LRRC4C: variants seen among roughly 807,000 people sequenced by gnomAD.
The protein encoded by LRRC4C is leucine-rich repeat-containing protein 4C.
Under a neutral mutation model 33.6 loss-of-function variants are expected in LRRC4C, and 5 were observed. The ratio of observed to expected loss-of-function variants is 0.15; its 90% CI spans 0.08 to 0.31. LRRC4C has a LOEUF of 0.31. LRRC4C is among the 10% of genes least tolerant of loss of function. LRRC4C has a pLI of 1.00. For missense variants in LRRC4C, 560 were observed against 796.7 expected, an observed-to-expected ratio of 0.70 and a Z score of 3.58; for synonymous variants, 329 against 302.0, an observed-to-expected ratio of 1.09 and a Z score of -0.93.
intron 1 of LRRC4C, among the ~76,000 whole-genome samples, chr11:41,065,033 C>T (rs1938114069): frequency 6.6e-6 from 1 of 152,110 alleles, no homozygotes. Context: ...ACAGCGGCGC[C>T]TGGTACTCCA....
intron 2 of LRRC4C, among the ~76,000 whole-genome samples, chr11:40,717,559 C>CT (rs990146914): frequency 6.6e-6 from 1 of 151,866 alleles, no homozygotes; most frequent in African/African-American, 2.4e-5. Context: ...ACATGGGGTT[C>CT]TTTTTTTGGG....
intron 1 of LRRC4C, among the ~76,000 whole-genome samples, chr11:41,371,828 T>C (rs1288564521): frequency 1.3e-5 from 2 of 152,184 alleles, no homozygotes; most frequent in East Asian, 3.9e-4. Flanking sequence ...CCACACTGAC[T>C]TCCTCCAAAA....
At chr11:40,892,134 CAAAAAA>C (rs58855313) in intron 2 of LRRC4C, among the ~76,000 whole-genome samples, 3 of 113,970 alleles carry the variant, frequency 2.6e-5, no homozygotes, top group Admixed American at 9.8e-5. Context: ...GATTGTGTCT[CAAAAAA>C]AAAAAAAAAA....
chr11:40,279,999 T>C (rs1355939415), intron 4 of LRRC4C, among the ~76,000 whole-genome samples: 1 of 152,192 alleles, frequency 6.6e-6, no homozygotes, highest in East Asian at 1.9e-4. Flanking sequence ...ACTCACCCTT[T>C]CTTTCAGGTG....
intron 6 of LRRC4C, among the ~76,000 whole-genome samples, chr11:40,139,502 TTTTG>T (rs1028841705): frequency 3.3e-5 from 5 of 152,356 alleles, no homozygotes; most frequent in East Asian, 1.9e-4. Context: ...TGCATCTTTT[TTTTG>T]TTTGTTTATT....
intron 2 of LRRC4C, among the ~76,000 whole-genome samples, chr11:40,738,300 G>A (rs760904810): frequency 9.2e-5 from 14 of 152,102 alleles, no homozygotes; most frequent in African/African-American, 1.9e-4. Flanking sequence ...ACCACGATAC[G>A]GCCCTCCCAG....
At chr11:40,637,231 T>G (rs1296355352) in intron 3 of LRRC4C, among the ~76,000 whole-genome samples, 1 of 152,192 alleles carries the variant, frequency 6.6e-6, no homozygotes, top group Non-Finnish European at 1.5e-5. Context: ...TCTAATATTT[T>G]AAGCTAATTA....
At chr11:40,558,867 C>T (rs1228144350) in intron 3 of LRRC4C, among the ~76,000 whole-genome samples, 2 of 152,130 alleles carry the variant, frequency 1.3e-5, no homozygotes, top group Non-Finnish European at 2.9e-5. Flanking sequence ...CCACCCTCCA[C>T]CTCAAGTAGA....
At chr11:40,821,297 C>T (rs751277980) in intron 2 of LRRC4C, among the ~76,000 whole-genome samples, 9 of 151,504 alleles carry the variant, frequency 5.9e-5, no homozygotes, top group East Asian at 3.9e-4. Flanking sequence ...ACCAACTGCT[C>T]CTAAAATTTA....
intron 2 of LRRC4C, among the ~76,000 whole-genome samples, chr11:40,734,893 A>G (rs897380736): frequency 2.0e-5 from 3 of 152,134 alleles, no homozygotes; most frequent in Non-Finnish European, 2.9e-5. Flanking sequence ...CAATGGACAA[A>G]GTGAGGAAGA....
Position 40,803,758 on chromosome 11 carries a change from C to T in LRRC4C, c.-407+129877G>A, listed in dbSNP as rs545310762. 2.1e-3 allele frequency among the ~76,000 whole-genome samples: 318 copies of T among 152,174 alleles called. 2 individuals are homozygous for T. The highest frequency in any genetic ancestry group is 7.5e-3 in the African/African-American group (313 of 41,536). The stretch of plus-strand genomic sequence containing the variant: ...AAAGTGCTGGGATTACAGGCGTGAG[C>T]CACCACGCCCGGCCTAATTTTTAAT... On this transcript the variant is annotated intron_variant, in intron 2 of 6. Coordinates refer to ENST00000528697, the MANE Select transcript of LRRC4C (RefSeq NM_001258419.2).
intron 5 of LRRC4C, among the ~76,000 whole-genome samples, chr11:40,224,376 A>G (rs1047227979): frequency 2.0e-5 from 3 of 152,218 alleles, no homozygotes; most frequent in African/African-American, 7.2e-5. Context: ...ATATGCCCCA[A>G]ATCCAATTCT....
intron 3 of LRRC4C, among the ~76,000 whole-genome samples, chr11:40,350,727 T>C (rs1458844710): frequency 6.6e-6 from 1 of 152,124 alleles, no homozygotes; most frequent in African/African-American, 2.4e-5. Context: ...TCCATGAACA[T>C]GAAATATCTT....
At chr11:41,164,699 C>T (rs1455162550) in intron 1 of LRRC4C, among the ~76,000 whole-genome samples, 1 of 152,078 alleles carries the variant, frequency 6.6e-6, no homozygotes, top group Non-Finnish European at 1.5e-5. Context: ...TTGGGAAAAG[C>T]TGAGTGTTGG....
intron 2 of LRRC4C, among the ~76,000 whole-genome samples, chr11:40,827,913 A>T (rs547992911): frequency 4.6e-5 from 7 of 151,846 alleles, no homozygotes; most frequent in Non-Finnish European, 1.5e-5. Flanking sequence ...GATCTTTTCT[A>T]GAAAAGACGA....
At chr11:40,558,320 T>C (rs3897818) in intron 3 of LRRC4C, among the ~76,000 whole-genome samples, 4,104 of 152,286 alleles carry the variant, frequency 0.027, 171 homozygotes, top group African/African-American at 0.094. Flanking sequence ...ATCCTCTATC[T>C]GATCAGCGTA....
chr11:40,884,711 T>C (rs1955353691), intron 2 of LRRC4C, among the ~76,000 whole-genome samples: 1 of 152,116 alleles, frequency 6.6e-6, no homozygotes, highest in South Asian at 2.1e-4. Context: ...TTGATAATGA[T>C]ACTATAGACT....
intron 3 of LRRC4C, among the ~76,000 whole-genome samples, chr11:40,474,447 G>C (rs576923442): frequency 6.6e-6 from 1 of 152,146 alleles, no homozygotes; most frequent in Non-Finnish European, 1.5e-5. Flanking sequence ...ATGGGTTAAA[G>C]ACTTAAACGT....
chr11:40,713,489 G>A (rs866911299), intron 2 of LRRC4C, among the ~76,000 whole-genome samples: 2 of 152,252 alleles, frequency 1.3e-5, no homozygotes, highest in Middle Eastern at 6.8e-3. Flanking sequence ...GCTTCTGCCA[G>A]TTGGTAGCTA....
Sources: gnomAD v4.1 joint callset for allele counts (sites outside exome capture counted in the v4.1 genomes callset) on GRCh38, gnomAD v4.1.1 for gene constraint, MANE v1.5 for transcripts, NCBI Gene and HGNC (gene_info 2026-07-23, HGNC 2026-07-21) for gene names.